Variants in ZNF577 observed in about 807,000 individuals in gnomAD.
ZNF577 encodes the protein zinc finger protein 577.
In ZNF577, 14 loss-of-function variants were observed where a neutral mutation model predicts 13.9. The observed-to-expected ratio is 1.00, with a 90% confidence interval of 0.66 to 1.57. The LOEUF (loss-of-function observed/expected upper bound fraction) is 1.57. ZNF577 is among the 40% of genes most tolerant of loss of function. ZNF577 has a pLI of 0.00. For synonymous variants in ZNF577, 203 were observed against 202.9 expected (o/e 1.00, Z 0.00); for missense variants, 555 against 579.2 (o/e 0.96, Z 0.43).
intron 5 of ZNF577, among the ~76,000 whole-genome samples, chr19:51,875,705 C>T (rs2084748959): frequency 6.6e-6 from 1 of 152,226 alleles, no homozygotes; most frequent in Non-Finnish European, 1.5e-5. Context: ...TCAAGCAACA[C>T]TCACTCCTCA....
intron 1 of ZNF577, among the ~76,000 whole-genome samples, chr19:51,884,030 C>A (rs10423838): frequency 6.6e-6 from 1 of 152,022 alleles, no homozygotes; most frequent in Non-Finnish European, 1.5e-5. Flanking sequence ...GCCAAGATAA[C>A]GCCACTGCAG....
chr19:51,837,123 G>A (rs4802880), intron 9 of ZNF577, among the ~76,000 whole-genome samples: 58,146 of 151,030 alleles, frequency 0.38, 11,398 homozygotes, highest in South Asian at 0.48. Flanking sequence ...TCCAGCAAAA[G>A]GCTGCAAACT....
At chr19:51,850,172 G>A (rs1323983633) in intron 5 of ZNF577, among the ~76,000 whole-genome samples, 1 of 152,186 alleles carries the variant, frequency 6.6e-6, no homozygotes. Context: ...ACTCCTGGGA[G>A]ATGACCTCTA....
intron 9 of ZNF577, among the ~76,000 whole-genome samples, chr19:51,812,514 C>G (rs1006360605): frequency 6.6e-6 from 1 of 152,212 alleles, no homozygotes; most frequent in Non-Finnish European, 1.5e-5. Context: ...TGCTCTCATT[C>G]ATTTGGCTAG....
rs2084344617 is a variant in ZNF577, at chr19:51,845,260, A to C, written c.284-329T>G. ...CTGTAATCCCAGCACTTTGGGAGGCAGAGGCAGGCGGATCACCTGAGGTCG... is the reference window on the plus strand; with the variant it reads ...CTGTAATCCCAGCACTTTGGGAGGCCGAGGCAGGCGGATCACCTGAGGTCG... On this transcript the variant is annotated intron_variant and NMD_transcript_variant, in intron 5 of 10. Coordinates refer to the ZNF577 transcript ENST00000638827. Among the ~76,000 whole-genome samples, 3 of 152,064 alleles carry C rather than the reference A, an allele frequency of 2.0e-5. No individual in the cohort carries two copies. In the South Asian group the frequency reaches 6.2e-4, roughly 31 times the overall value.
chr19:51,809,199 G>A lies in ZNF577; in HGVS notation c.*817+2258C>T, dbSNP rs568680958. 1.6e-4 allele frequency among the ~76,000 whole-genome samples: 24 copies of A among 152,300 alleles called. 1 individual carries two copies. Among genetic ancestry groups the A allele is most frequent in the Admixed American group, 1.4e-3 (21 of 15,292 alleles). On this transcript the variant is annotated intron_variant and NMD_transcript_variant, in intron 10 of 10. Coordinates refer to the ZNF577 transcript ENST00000638827. ...TAAGTCTCAACCCCATAAATTGATA[G>A]CTATATTTTCAACATAAGACTGAAA...
At chr19:51,880,437 A>G in intron 2 of ZNF577, 36 bp from the exon 3 acceptor site, 1 of 1,597,630 alleles carries the variant, frequency 6.3e-7, no homozygotes, top group South Asian at 1.1e-5. Flanking sequence ...TAAAGCAGAG[A>G]AAACCCACAG....
At position 51,868,605 on chromosome 19, in the gene ZNF577, C is replaced by G. The variant is rs572769665; in HGVS notation, c.*3927G>C. ...AGAATTAATATGCCCAAGGCCAATT[C>G]CCTCATAATGTTGCCTACAGAAGCC... On this transcript the variant is annotated 3_prime_UTR_variant, in exon 6 of 6. Coordinates refer to ENST00000638348, the MANE Select transcript of ZNF577 (RefSeq NM_001370449.1). Among the ~76,000 whole-genome samples the G allele has an allele frequency of 6.6e-6, 1 of 152,252 alleles. No homozygotes were observed. Among genetic ancestry groups the G allele is most frequent in the African/African-American group, 2.4e-5 (1 of 41,550 alleles).
Position 51,878,405 on chromosome 19 carries a change from G to A in ZNF577, c.171C>T (p.Ile57=), listed in dbSNP as rs2122698042. ...TGTCCTTACCTATTGATACTAGGTT[G>A]ATGTAGTTCTCCAACATTACTTCCT... ...LYKEVMLENY[I]NLVSIGYRGT... is the part of the protein sequence containing the mutation. The change falls in exon 4 of 6, where the codon ATC becomes ATT. Residue 57 remains isoleucine (I), a synonymous_variant. Transcript: ENST00000638348. 1 of 1,614,044 alleles carries A rather than the reference G, an allele frequency of 6.2e-7. No individual in the cohort carries two copies. Among genetic ancestry groups the A allele is most frequent in the Non-Finnish European group, 8.5e-7 (1 of 1,179,944 alleles).
chr19:51,833,947 A>G (rs559281043), intron 9 of ZNF577, among the ~76,000 whole-genome samples: 5 of 152,234 alleles, frequency 3.3e-5, no homozygotes, highest in Non-Finnish European at 7.3e-5. Context: ...TACAATGTGT[A>G]TAATAGTCAA....
At chr19:51,876,392 G>A (rs1390240061) in intron 5 of ZNF577, among the ~76,000 whole-genome samples, 1 of 151,960 alleles carries the variant, frequency 6.6e-6, no homozygotes, top group Non-Finnish European at 1.5e-5. Flanking sequence ...TCTCCAGCAG[G>A]GGCCAGAGAG....
chr19:51,880,833 T>A lies in ZNF577; in HGVS notation c.-174A>T, dbSNP rs118177814. 0.085 allele frequency: 13,459 copies of A among 158,774 alleles called. 675 individuals carry two copies. Among genetic ancestry groups the A allele is most frequent in the East Asian group, 0.21 (1,096 of 5,274 alleles). The allele number at this position is 158,774 out of a possible 1,614,324, so 9.8% of individuals were successfully genotyped here. A position where few individuals can be genotyped will look rare whatever the true frequency, so the allele number is the denominator to read the frequency against. ...TGATGATCTTCCCCAGCCTGGAAGC[T>A]CCTTCTTCCATTACTGAAAATGTCT... On this transcript the variant is annotated 5_prime_UTR_variant, in exon 2 of 6. Transcript: ENST00000638348.
chr19:51,845,851 C>T (rs1251861014), intron 5 of ZNF577, among the ~76,000 whole-genome samples: 4 of 152,104 alleles, frequency 2.6e-5, no homozygotes, highest in African/African-American at 9.7e-5. Context: ...ATATATGCCA[C>T]GTTTTCTTCA....
chr19:51,831,399 G>A (rs1426634432), intron 9 of ZNF577, among the ~76,000 whole-genome samples: 1 of 152,178 alleles, frequency 6.6e-6, no homozygotes, highest in African/African-American at 2.4e-5. Context: ...TTACAAGCAT[G>A]AGCCACTGCA....
intron 5 of ZNF577, among the ~76,000 whole-genome samples, chr19:51,875,134 C>T (rs546109074): frequency 3.4e-4 from 51 of 151,806 alleles, no homozygotes; most frequent in Admixed American, 9.8e-4. Flanking sequence ...TTTGGGAGGT[C>T]GAGGTGGATG....
intron 5 of ZNF577, among the ~76,000 whole-genome samples, chr19:51,848,567 G>T (rs576172984): frequency 1.7e-4 from 26 of 152,148 alleles, no homozygotes; most frequent in Non-Finnish European, 3.1e-4. Flanking sequence ...GAGCTCTCTG[G>T]ATGTGTGGTT....
At chr19:51,859,201 C>A (rs1457012249) in intron 5 of ZNF577, among the ~76,000 whole-genome samples, 1 of 152,144 alleles carries the variant, frequency 6.6e-6, no homozygotes, top group Non-Finnish European at 1.5e-5. Context: ...TTTATGTATT[C>A]ATGTGTACAT....
At chr19:51,823,951 C>T (rs1481380157) in intron 9 of ZNF577, 1 of 1,614,064 alleles carries the variant, frequency 6.2e-7, no homozygotes, top group Middle Eastern at 1.7e-4. Context: ...CTGAACCTGG[C>T]CCTAGCTGAC....
At chr19:51,862,880 C>T (rs777465782), downstream of ZNF577, 3 of 152,440 alleles carry the variant, frequency 2.0e-5, no homozygotes, top group Admixed American at 6.5e-5. Context: ...ACCACAAAGC[C>T]TTTATCACAT....
Sources: allele counts gnomAD v4.1 joint callset (sites outside exome capture counted in the v4.1 genomes callset), GRCh38; gene constraint gnomAD v4.1.1; transcripts MANE v1.5; gene names NCBI Gene and HGNC (gene_info 2026-07-23, HGNC 2026-07-21).